Variants in JARID2 observed in about 807,000 individuals in gnomAD.
JARID2 encodes protein Jumonji.
A neutral mutation model predicts 125.6 loss-of-function variants in JARID2; 21 were observed. The observed-to-expected ratio is 0.17, with a 90% CI of 0.12 to 0.24. The LOEUF (loss-of-function observed/expected upper bound fraction) is 0.24, where lower values mean the gene tolerates loss of function less well. Among genes scored for constraint, JARID2 ranks in the 10% least tolerant of loss-of-function variants. The pLI is 1.00. For synonymous variants in JARID2, 736 were observed against 661.6 expected (o/e 1.11, Z -1.73); for missense variants, 1,303 against 1,639.6 (o/e 0.79, Z 3.55).
chr6:15,274,354 A>G (rs1293288750), intron 1 of JARID2, among the ~76,000 whole-genome samples: 1 of 152,168 alleles, frequency 6.6e-6, no homozygotes, highest in Non-Finnish European at 1.5e-5. Context: ...TAGGCATATG[A>G]AGACACTGGT....
At chr6:15,377,746 C>T (rs1764413126) in intron 2 of JARID2, among the ~76,000 whole-genome samples, 1 of 151,384 alleles carries the variant, frequency 6.6e-6, no homozygotes, top group Non-Finnish European at 1.5e-5. Context: ...GTTGGCCATG[C>T]TGGTCTGAAA....
At chr6:15,334,070 A>T (rs1279760340) in intron 1 of JARID2, among the ~76,000 whole-genome samples, 1 of 152,210 alleles carries the variant, frequency 6.6e-6, no homozygotes, top group Non-Finnish European at 1.5e-5. Context: ...CAGTACATGC[A>T]GAGGTGTTCC....
intron 1 of JARID2, among the ~76,000 whole-genome samples, chr6:15,307,201 C>T (rs1581394371): frequency 6.6e-6 from 1 of 152,058 alleles, no homozygotes; most frequent in East Asian, 2.0e-4. Flanking sequence ...GAGACAGTTC[C>T]ACTGCACTCC....
chr6:15,352,777 A>G (rs1307505501), intron 1 of JARID2, among the ~76,000 whole-genome samples: 3 of 152,146 alleles, frequency 2.0e-5, no homozygotes, highest in African/African-American at 7.2e-5. Flanking sequence ...GTCTAAATTC[A>G]CTGTAAATAA....
chr6:15,467,190 G>A (rs1374914005), intron 4 of JARID2, among the ~76,000 whole-genome samples: 4 of 152,186 alleles, frequency 2.6e-5, no homozygotes, highest in Non-Finnish European at 5.9e-5. Flanking sequence ...TCCTGATACT[G>A]CTCATTTTCC....
intron 3 of JARID2, among the ~76,000 whole-genome samples, chr6:15,432,778 T>A (rs1174940805): frequency 1.3e-5 from 2 of 152,218 alleles, no homozygotes; most frequent in African/African-American, 4.8e-5. Context: ...AAGCACAGGT[T>A]TTTGAATAAA....
At chr6:15,285,964 T>C (rs1407546928) in intron 1 of JARID2, among the ~76,000 whole-genome samples, 2 of 152,230 alleles carry the variant, frequency 1.3e-5, no homozygotes, top group Non-Finnish European at 2.9e-5. Context: ...TTCTGATGTA[T>C]AACTATGAGC....
chr6:15,517,312 CCT>C, intron 17 of JARID2, 44 bp downstream of exon 17: 1 of 1,364,630 alleles, frequency 7.3e-7, no homozygotes, highest in East Asian at 2.3e-5. Context: ...CAGCGTGGCG[CCT>C]TCCCTGCTCC....
chr6:15,424,076 C>T (rs1249997802), intron 3 of JARID2, among the ~76,000 whole-genome samples: 4 of 151,842 alleles, frequency 2.6e-5, no homozygotes, highest in African/African-American at 7.3e-5. Context: ...TTCCTAAACT[C>T]TTTCTGGGAG....
At chr6:15,249,515 TC>T (rs1364924245) in intron 1 of JARID2, among the ~76,000 whole-genome samples, 1 of 152,180 alleles carries the variant, frequency 6.6e-6, no homozygotes, top group African/African-American at 2.4e-5. Flanking sequence ...CGTTCTGTTT[TC>T]TCTTTTGTAA....
chr6:15,277,165 ATTT>A (rs1760557231), intron 1 of JARID2, among the ~76,000 whole-genome samples: 1 of 152,158 alleles, frequency 6.6e-6, no homozygotes, highest in African/African-American at 2.4e-5. Context: ...CTATTATTTT[ATTT>A]TTACAGATGA....
At position 15,511,396 on chromosome 6, in the gene JARID2, G is replaced by T. The variant is rs751270951; in HGVS notation, c.2947G>T (p.Val983Phe). The stretch of plus-strand genomic sequence containing the variant: ...AGGGCTGCAGATGCTGGAAAGCAAC[G>T]TCATGGTGCGTCCACTCAGCCACCG... Reference protein sequence around the residue: ...TPGLQMLESNVMISPEVLCKE... With the variant: ...TPGLQMLESNFMISPEVLCKE... Residue 983 changes from valine (V) to phenylalanine (F), a missense_variant, in exon 13 of 18, where the codon GTC becomes TTC. By Grantham distance (50) the Val-to-Phe change is conservative (BLOSUM62 -1). Coordinates refer to ENST00000341776, the MANE Select transcript of JARID2 (RefSeq NM_004973.4). The T allele has an allele frequency of 5.6e-6, 9 of 1,608,994 alleles. No individual in the cohort carries two copies. The highest frequency in any genetic ancestry group is 7.6e-6 in the Non-Finnish European group (9 of 1,176,568).
intron 3 of JARID2, among the ~76,000 whole-genome samples, chr6:15,446,072 C>CT (rs904597404): frequency 6.6e-6 from 1 of 152,186 alleles, no homozygotes; most frequent in Non-Finnish European, 1.5e-5. Flanking sequence ...CCCTTTTCCT[C>CT]TGAGTTGCCA....
At chr6:15,337,798 G>T (rs1405069551) in intron 1 of JARID2, among the ~76,000 whole-genome samples, 6 of 152,110 alleles carry the variant, frequency 3.9e-5, no homozygotes, top group Admixed American at 3.3e-4. Context: ...CCTGCTGGCT[G>T]AGAACTGCAG....
At position 15,263,184 on chromosome 6, in the gene JARID2, C is replaced by T. The variant is rs571452412; in HGVS notation, c.45+16600C>T. 2.0e-5 allele frequency among the ~76,000 whole-genome samples: 3 copies of T among 151,842 alleles called. No individual in the cohort carries two copies. The South Asian group carries it at 6.3e-4, about 32-fold the overall frequency. On this transcript the variant is annotated intron_variant, in intron 1 of 17. Transcript: ENST00000341776. ...GTCACTGTGGGTGGCCAAGAGTGGT[C>T]TCATTTCCTCTACCCCTTTGCAAAC...
rs80067751 is a variant in JARID2, at chr6:15,455,317, T to C, written c.493+3142T>C. Among the ~76,000 whole-genome samples, 1,091 of 152,246 alleles carry C rather than the reference T, an allele frequency of 7.2e-3. 13 individuals are homozygous for C. The highest frequency in any genetic ancestry group is 0.025 in the African/African-American group (1,037 of 41,522). On this transcript the variant is annotated intron_variant, in intron 4 of 17. Transcript: ENST00000341776. ...TACATATTTATGGGTCACATGATGA[T>C]TTTGTGATACATGTAAGTGATCAGA...
intron 1 of JARID2, among the ~76,000 whole-genome samples, chr6:15,332,533 G>T (rs1010848320): frequency 6.6e-6 from 1 of 152,174 alleles, no homozygotes; most frequent in Admixed American, 6.5e-5. Context: ...ATTTCTGAAG[G>T]AATATTTATT....
intron 1 of JARID2, among the ~76,000 whole-genome samples, chr6:15,254,706 G>A (rs1759588360): frequency 6.6e-6 from 1 of 152,116 alleles, no homozygotes; most frequent in Admixed American, 6.5e-5. Context: ...ATTATCAACA[G>A]CAGTGTTTAT....
intron 1 of JARID2, among the ~76,000 whole-genome samples, chr6:15,329,818 C>CT (rs894270089): frequency 4.6e-5 from 7 of 152,156 alleles, no homozygotes; most frequent in African/African-American, 1.7e-4. Flanking sequence ...CAAATATTGT[C>CT]TATTTTTTGG....
Sources: gnomAD v4.1 joint callset for allele counts (sites outside exome capture counted in the v4.1 genomes callset) on GRCh38, gnomAD v4.1.1 for gene constraint, MANE v1.5 for transcripts, NCBI Gene and HGNC (gene_info 2026-07-23, HGNC 2026-07-21) for gene names.